DMD: variants seen among roughly 807,000 people sequenced by gnomAD.
The protein encoded by DMD is mutant dystrophin.
A neutral mutation model predicts 330.1 loss-of-function variants in DMD; 63 were observed. That is an observed-to-expected ratio of 0.19 (90% CI 0.16 to 0.24). The LOEUF is 0.24. DMD is among the 10% of genes least tolerant of loss of function. The pLI is 1.00. For missense variants in DMD, 3,344 were observed against 2,684.1 expected, an observed-to-expected ratio of 1.25 and a Z score of -5.43; for synonymous variants, 1,223 against 959.8, an observed-to-expected ratio of 1.27 and a Z score of -5.07.
At chrX:31,536,730 G>C (rs73453968) in intron 55 of DMD, among the ~76,000 whole-genome samples, 1 of 111,423 alleles carries the variant, frequency 9.0e-6, no homozygotes, top group East Asian at 2.8e-4. Flanking sequence ...CTTCTCCCCT[G>C]ATGTTGTAAT....
At chrX:32,435,477 A>C (rs910169969) in intron 29 of DMD, among the ~76,000 whole-genome samples, 13 of 108,511 alleles carry the variant, frequency 1.2e-4, no homozygotes, top group African/African-American at 3.0e-4. Flanking sequence ...CACAAAAAAA[A>C]CCCCCTATGA....
intron 1 of DMD, among the ~76,000 whole-genome samples, chrX:33,318,672 C>T (rs2053970832): frequency 9.2e-6 from 1 of 109,202 alleles, no homozygotes; most frequent in East Asian, 2.9e-4. Flanking sequence ...GTCTCGAACT[C>T]CTGACCTCAA....
chrX:31,981,350 G>T (rs1046076430), intron 44 of DMD, among the ~76,000 whole-genome samples: 2 of 111,587 alleles, frequency 1.8e-5, no homozygotes, highest in African/African-American at 6.5e-5. Flanking sequence ...CAATATAATG[G>T]CAAATCATCC....
intron 16 of DMD, among the ~76,000 whole-genome samples, chrX:32,563,342 C>CAAAAAAAAAAAAAAAAA (rs745316161): frequency 2.3e-5 from 1 of 42,853 alleles, no homozygotes. Flanking sequence ...GACTCCATCT[C>CAAAAAAAAAAAAAAAAA]AAAAAAAAAA....
intron 62 of DMD, among the ~76,000 whole-genome samples, chrX:31,272,300 A>T (rs1310804818): frequency 3.6e-5 from 4 of 112,160 alleles, no homozygotes; most frequent in Non-Finnish European, 7.5e-5. Flanking sequence ...GCTTCATGGG[A>T]AAGAATTTGG....
chrX:31,733,011 G>A (rs1230534497), intron 51 of DMD, among the ~76,000 whole-genome samples: 3 of 111,361 alleles, frequency 2.7e-5, no homozygotes, highest in South Asian at 3.7e-4. Flanking sequence ...AAACACAGGA[G>A]AAGGAAGGAA....
chrX:32,769,679 T>C (rs2073390121), intron 7 of DMD, among the ~76,000 whole-genome samples: 2 of 111,742 alleles, frequency 1.8e-5, no homozygotes, highest in Non-Finnish European at 3.8e-5. Context: ...AGACTAATCA[T>C]GCCCTTGGAA....
intron 63 of DMD, among the ~76,000 whole-genome samples, chrX:31,226,935 T>A (rs779097927): frequency 1.6e-4 from 18 of 112,048 alleles, no homozygotes; most frequent in Non-Finnish European, 1.9e-5. Flanking sequence ...AAGCATCCAA[T>A]CCCAAATTTT....
At chrX:32,908,901 G>A (rs2086956974) in intron 2 of DMD, among the ~76,000 whole-genome samples, 1 of 110,896 alleles carries the variant, frequency 9.0e-6, no homozygotes, top group South Asian at 3.8e-4. Context: ...CATGGTATGT[G>A]AACTGACTAC....
intron 62 of DMD, among the ~76,000 whole-genome samples, chrX:31,284,557 T>TTTCTTCTTCTTCTTCTTCTTCTTTTCTTC: frequency 1.3e-5 from 1 of 78,070 alleles, no homozygotes; most frequent in African/African-American, 5.2e-5. Context: ...TAACGAACTG[T>TTTCTTCTTCTTCTTCTTCTTCTTTTCTTC]TTCTTCTTCT....
At chrX:32,824,005 G>T (rs930877301) in intron 4 of DMD, among the ~76,000 whole-genome samples, 2 of 111,909 alleles carry the variant, frequency 1.8e-5, no homozygotes, top group African/African-American at 6.5e-5. Context: ...CATATGAAAA[G>T]ATGTTCAATG....
chrX:32,100,208 G>A (rs1423915925), intron 44 of DMD, among the ~76,000 whole-genome samples: 2 of 110,210 alleles, frequency 1.8e-5, no homozygotes, highest in Non-Finnish European at 3.8e-5. Context: ...TTAAAGATAA[G>A]TTTTGAAAAC....
intron 50 of DMD, among the ~76,000 whole-genome samples, chrX:31,800,588 G>A (rs1344843577): frequency 8.9e-6 from 1 of 112,315 alleles, no homozygotes; most frequent in African/African-American, 3.2e-5. Flanking sequence ...CATTGTCTTG[G>A]CGCTTAACAT....
intron 55 of DMD, among the ~76,000 whole-genome samples, chrX:31,582,627 T>C (rs919265668): frequency 6.2e-5 from 7 of 112,091 alleles, no homozygotes; most frequent in South Asian, 3.7e-4. Context: ...GTGACTATTC[T>C]TTATTAATTG....
chrX:32,100,072 C>T (rs761694578), intron 44 of DMD, among the ~76,000 whole-genome samples: 1 of 110,381 alleles, frequency 9.1e-6, no homozygotes, highest in South Asian at 3.9e-4. Flanking sequence ...ATTTGCCTCT[C>T]TCTGAGATCT....
chrX:31,212,146 TTATA>T (rs375944446), intron 64 of DMD, among the ~76,000 whole-genome samples: 14,521 of 91,560 alleles, frequency 0.16, 918 homozygotes, highest in African/African-American at 0.2. Context: ...ATTAAATATA[TTATA>T]TATATATATA....
intron 60 of DMD, among the ~76,000 whole-genome samples, chrX:31,388,253 T>G: frequency 9.1e-6 from 1 of 110,226 alleles, no homozygotes; most frequent in Non-Finnish European, 1.9e-5. Flanking sequence ...TCCACCCGCC[T>G]TGGCCTCCCA....
intron 63 of DMD, among the ~76,000 whole-genome samples, chrX:31,230,376 T>A (rs1368053462): frequency 9.0e-6 from 1 of 111,571 alleles, no homozygotes; most frequent in African/African-American, 3.3e-5. Flanking sequence ...GGGCCAGGTG[T>A]GGTGGCTCAC....
intron 44 of DMD, among the ~76,000 whole-genome samples, chrX:32,001,247 A>AT (rs898971519): frequency 1.2e-4 from 13 of 111,111 alleles, no homozygotes; most frequent in Non-Finnish European, 1.3e-4. Flanking sequence ...TAAAAAGGCG[A>AT]TTTTTTTGTG....
Sources: allele counts gnomAD v4.1 joint callset (sites outside exome capture counted in the v4.1 genomes callset), GRCh38; gene constraint gnomAD v4.1.1; transcripts MANE v1.5; gene names NCBI Gene and HGNC (gene_info 2026-07-23, HGNC 2026-07-21).